Variants in LHX4 observed in about 807,000 individuals in gnomAD.
LHX4 encodes LIM/homeobox protein Lhx4.
In LHX4, 16 loss-of-function variants were observed where a neutral mutation model predicts 39.2. That is an observed-to-expected ratio of 0.41 (90% CI 0.28 to 0.62). The LOEUF (loss-of-function observed/expected upper bound fraction) is 0.62. LHX4 is among the 20% of genes least tolerant of loss of function. The probability of loss-of-function intolerance (pLI) is 0.33; values close to 1 mark genes in which losing one functional copy is unlikely to be tolerated. For missense variants in LHX4, 439 were observed against 511.9 expected, an observed-to-expected ratio of 0.86 and a Z score of 1.37; for synonymous variants, 206 against 198.1, an observed-to-expected ratio of 1.04 and a Z score of -0.33.
intron 2 of LHX4, among the ~76,000 whole-genome samples, chr1:180,250,141 T>G (rs1018895254): frequency 6.6e-6 from 1 of 152,148 alleles, no homozygotes; most frequent in African/African-American, 2.4e-5. Flanking sequence ...CCTGTTGCTT[T>G]CCCACCTCTG....
At chr1:180,246,180 T>C (rs755735119) in intron 1 of LHX4, among the ~76,000 whole-genome samples, 17 of 151,828 alleles carry the variant, frequency 1.1e-4, no homozygotes, top group Admixed American at 3.9e-4. Flanking sequence ...TAGGCTGGGG[T>C]TGGGGTTTAA....
Position 180,230,322 on chromosome 1 carries a change from A to C in LHX4, c.-208A>C, listed in dbSNP as rs1664145929. The C allele has an allele frequency of 4.9e-6, 3 of 617,860 alleles. No homozygotes were observed. The highest frequency in any genetic ancestry group is 1.8e-5 in the African/African-American group (1 of 54,208). The allele number at this position is 617,860 out of a possible 1,614,324, so 38.3% of individuals were successfully genotyped here. A position where few individuals can be genotyped will look rare whatever the true frequency, so the allele number is the denominator to read the frequency against. Reference sequence around the variant, plus strand: ...TGCACCAACCCCGGAGAGCGAGATCAAAGGGACTGGAAACAGACTGGGGAC... The same window carrying C: ...TGCACCAACCCCGGAGAGCGAGATCCAAGGGACTGGAAACAGACTGGGGAC... On this transcript the variant is annotated 5_prime_UTR_variant, in exon 1 of 6. Transcript: ENST00000263726. The surrounding 1 kb of genome is among the most constrained non-coding windows in gnomAD (Gnocchi z 5.8).
intron 2 of LHX4, among the ~76,000 whole-genome samples, chr1:180,259,659 T>C (rs1648024783): frequency 6.6e-6 from 1 of 151,610 alleles, no homozygotes; most frequent in Admixed American, 6.5e-5. Flanking sequence ...CAGGGGCTGC[T>C]TTCCTGGCTC....
chr1:180,248,799 T>C (rs1571265157), intron 2 of LHX4: 3 of 363,962 alleles, frequency 8.2e-6, no homozygotes, highest in Non-Finnish European at 1.6e-5. Context: ...CTTTCTGTCC[T>C]GATATATTGG....
chr1:180,254,940 A>G (rs917815592), intron 2 of LHX4, among the ~76,000 whole-genome samples: 9 of 152,146 alleles, frequency 5.9e-5, no homozygotes, highest in African/African-American at 2.2e-4. Context: ...GCTGGCAAGG[A>G]CGGGGTCCTG....
chr1:180,263,069 GC>G (rs1325829199), intron 2 of LHX4, among the ~76,000 whole-genome samples: 2 of 152,196 alleles, frequency 1.3e-5, no homozygotes, highest in African/African-American at 4.8e-5. Flanking sequence ...CTGCATGGGT[GC>G]CCGGTGATCG....
In LHX4 at chr1:180,251,577, G is replaced by A. The variant is rs770757008; in HGVS notation, c.248+3121G>A. On this transcript the variant is annotated intron_variant, in intron 2 of 5. Coordinates refer to ENST00000263726, the MANE Select transcript of LHX4 (RefSeq NM_033343.4). ...CCCCTGTGTAAGCCCCTGGCTCTGC[G>A]CTTTGTCCATAGGCCACTGCTGGGT... 7.2e-5 allele frequency among the ~76,000 whole-genome samples: 11 copies of A among 152,312 alleles called. No homozygotes were observed. In the South Asian group the frequency reaches 1.0e-3, roughly 14 times the overall value.
intron 4 of LHX4, 23 bp downstream of exon 4, chr1:180,271,557 C>A (rs762260848): frequency 7.4e-6 from 12 of 1,613,434 alleles, no homozygotes; most frequent in South Asian, 1.1e-5. Context: ...CACTCCTGTG[C>A]CCTCCGGGGA....
At chr1:180,242,498 G>GTATA (rs140615954) in intron 1 of LHX4, among the ~76,000 whole-genome samples, 5 of 151,500 alleles carry the variant, frequency 3.3e-5, no homozygotes, top group Non-Finnish European at 5.9e-5. Context: ...ATATCTGTGT[G>GTATA]TATATATATA....
chr1:180,271,274 T>C, intron 3 of LHX4, 106 bp from the exon 4 acceptor site: 2 of 1,308,888 alleles, frequency 1.5e-6, no homozygotes, highest in Admixed American at 3.4e-5. Flanking sequence ...CTGTCCTGCC[T>C]ACAGCAGGCA....
chr1:180,244,243 T>G (rs908408640), intron 1 of LHX4, among the ~76,000 whole-genome samples: 2 of 152,204 alleles, frequency 1.3e-5, no homozygotes, highest in Non-Finnish European at 2.9e-5. Flanking sequence ...CGTCAACATC[T>G]ACAGTGGAAT....
At chr1:180,271,354 C>T (rs1411901266) in intron 3 of LHX4, 26 bp from the exon 4 acceptor site, 1 of 1,613,886 alleles carries the variant, frequency 6.2e-7, no homozygotes, top group South Asian at 1.1e-5. Context: ...AGGCCGAAGC[C>T]AGTAAGCAGT....
chr1:180,260,888 G>A (rs1322131741), intron 2 of LHX4, among the ~76,000 whole-genome samples: 2 of 151,786 alleles, frequency 1.3e-5, no homozygotes, highest in Non-Finnish European at 2.9e-5. Flanking sequence ...CGGTTCTCTC[G>A]CTCGTTGCCC....
At position 180,260,167 on chromosome 1, in the gene LHX4, G is replaced by T. The variant is rs113908996; in HGVS notation, c.249-6225G>T. The stretch of plus-strand genomic sequence containing the variant: ...ATTGGGCTGAGGGCTGGAGGTGAGG[G>T]TCGGATGAGATCACATGTGCAGGGC... On this transcript the variant is annotated intron_variant, in intron 2 of 5. Coordinates refer to ENST00000263726, the MANE Select transcript of LHX4 (RefSeq NM_033343.4). 1.3e-3 allele frequency among the ~76,000 whole-genome samples: 204 copies of T among 151,766 alleles called. 4 individuals are homozygous for T. Among genetic ancestry groups the T allele is most frequent in the African/African-American group, 4.4e-3 (181 of 41,090 alleles).
intron 2 of LHX4, among the ~76,000 whole-genome samples, chr1:180,262,824 G>A (rs1648163462): frequency 6.6e-6 from 1 of 152,114 alleles, no homozygotes; most frequent in South Asian, 2.1e-4. Flanking sequence ...TCATTCATTG[G>A]GTCTTTGTGG....
At chr1:180,256,485 C>T (rs1003673130) in intron 2 of LHX4, among the ~76,000 whole-genome samples, 1 of 152,208 alleles carries the variant, frequency 6.6e-6, no homozygotes, top group Non-Finnish European at 1.5e-5. Context: ...AGCCTGGGGG[C>T]CTCTCTCCCA....
At chr1:180,239,925 A>G (rs999342427) in intron 1 of LHX4, among the ~76,000 whole-genome samples, 3 of 152,134 alleles carry the variant, frequency 2.0e-5, no homozygotes, top group African/African-American at 7.2e-5. Context: ...CTGAGGGGGA[A>G]TACTGTGGGG....
At chr1:180,252,266 G>A (rs1264786502) in intron 2 of LHX4, among the ~76,000 whole-genome samples, 2 of 152,156 alleles carry the variant, frequency 1.3e-5, no homozygotes, top group African/African-American at 2.4e-5. Context: ...GCAGGAGGGG[G>A]CAAGCAGTCC....
At chr1:180,268,237 T>G (rs573320559) in intron 3 of LHX4, among the ~76,000 whole-genome samples, 2 of 152,284 alleles carry the variant, frequency 1.3e-5, no homozygotes, top group Non-Finnish European at 2.9e-5. Context: ...GTGCCGTTCA[T>G]CAGAGATACT....
Sources: gnomAD v4.1 joint callset for allele counts (sites outside exome capture counted in the v4.1 genomes callset) on GRCh38, gnomAD v4.1.1 for gene constraint, Gnocchi (gnomAD v3.1) non-coding constraint, MANE v1.5 for transcripts, NCBI Gene and HGNC (gene_info 2026-07-23, HGNC 2026-07-21) for gene names.